MLLT3: variants seen among roughly 807,000 people sequenced by gnomAD.
MLLT3 encodes the protein protein AF-9.
A neutral mutation model predicts 53.2 loss-of-function variants in MLLT3; 4 were observed. That is an observed-to-expected ratio of 0.08 (90% CI 0.04 to 0.17). MLLT3 has a LOEUF of 0.17. MLLT3 is among the 10% of genes least tolerant of loss of function. The pLI is 1.00. For missense variants in MLLT3, 569 were observed against 684.0 expected (o/e 0.83, Z 1.87); for synonymous variants, 283 against 230.6 (o/e 1.23, Z -2.06).
chr9:20,421,379 T>C (rs1329139896), intron 4 of MLLT3, among the ~76,000 whole-genome samples: 2 of 151,654 alleles, frequency 1.3e-5, no homozygotes, highest in East Asian at 1.9e-4. Context: ...CCAGGGAAAA[T>C]TCATAGCCTT....
intron 2 of MLLT3, among the ~76,000 whole-genome samples, chr9:20,523,837 G>C (rs1022407147): frequency 6.6e-6 from 1 of 152,098 alleles, no homozygotes; most frequent in Admixed American, 6.5e-5. Flanking sequence ...CAGGCATTGT[G>C]GAGTGTGCCT....
At chr9:20,554,822 A>G (rs1197572137) in intron 2 of MLLT3, among the ~76,000 whole-genome samples, 1 of 152,196 alleles carries the variant, frequency 6.6e-6, no homozygotes, top group Non-Finnish European at 1.5e-5. Context: ...CTTGTACTTA[A>G]GTAATTTATT....
At chr9:20,465,021 A>G (rs1824199760) in intron 2 of MLLT3, among the ~76,000 whole-genome samples, 1 of 152,100 alleles carries the variant, frequency 6.6e-6, no homozygotes, top group Admixed American at 6.6e-5. Context: ...ATTCTTGGGA[A>G]TTTATATAAC....
chr9:20,499,025 A>G (rs1379995579), intron 2 of MLLT3, among the ~76,000 whole-genome samples: 1 of 152,178 alleles, frequency 6.6e-6, no homozygotes, highest in Non-Finnish European at 1.5e-5. Context: ...AAAGCTCTAG[A>G]AAAGAATCCT....
At chr9:20,566,038 TTATTTATATATA>T (rs1246277292) in intron 2 of MLLT3, among the ~76,000 whole-genome samples, 30 of 124,410 alleles carry the variant, frequency 2.4e-4, no homozygotes, top group African/African-American at 5.4e-4. Context: ...TTATATTTAT[TTATTTATATATA>T]TATTTATATA....
intron 2 of MLLT3, among the ~76,000 whole-genome samples, chr9:20,618,281 A>G (rs1488703212): frequency 6.6e-6 from 1 of 152,248 alleles, no homozygotes; most frequent in East Asian, 1.9e-4. Context: ...GGAAGTAGAC[A>G]TACAAATTCT....
At chr9:20,577,274 C>CA (rs895292583) in intron 2 of MLLT3, among the ~76,000 whole-genome samples, 9 of 152,028 alleles carry the variant, frequency 5.9e-5, no homozygotes, top group African/African-American at 1.2e-4. Flanking sequence ...TTCAGATGCA[C>CA]AAAAAAATCA....
In MLLT3 at chr9:20,413,811, T is replaced by C. The variant is rs761964671; in HGVS notation, c.1035A>G (p.Ser345=). 1.2e-6 allele frequency: 2 copies of C among 1,614,054 alleles called. No individual in the cohort carries two copies. The highest frequency in any genetic ancestry group is 4.5e-5 in the East Asian group (2 of 44,876). The change falls in exon 5 of 11, where the codon TCA becomes TCG. Residue 345 remains serine (S), a synonymous_variant. Coordinates refer to ENST00000380338, the MANE Select transcript of MLLT3 (RefSeq NM_004529.4). ...MGKVKIESET[S]EKKKSTLPPF... is the part of the protein sequence containing the mutation. ...GCGGTAACGTTGATTTCTTCTTCTC[T>C]GATGTCTCACTTTCAATTTTGACCT...
At chr9:20,501,542 G>T (rs1825227923) in intron 2 of MLLT3, among the ~76,000 whole-genome samples, 1 of 151,708 alleles carries the variant, frequency 6.6e-6, no homozygotes, top group South Asian at 2.1e-4. Context: ...ATGAGGTCAG[G>T]AGATCGAGAC....
chr9:20,558,094 G>C lies in MLLT3; in HGVS notation c.193+62560C>G, dbSNP rs564325127. On this transcript the variant is annotated intron_variant, in intron 2 of 10. Coordinates refer to ENST00000380338, the MANE Select transcript of MLLT3 (RefSeq NM_004529.4). The stretch of plus-strand genomic sequence containing the variant: ...TTGAAAACAGAAAAAGAGGCTGCAA[G>C]AAGGAAGCCAAGGACAGTACTAAAC... Among the ~76,000 whole-genome samples, 53 of 152,278 alleles carry C rather than the reference G, an allele frequency of 3.5e-4. 2 individuals carry two copies. The South Asian group carries it at 0.01, about 30-fold the overall frequency.
intron 2 of MLLT3, among the ~76,000 whole-genome samples, chr9:20,523,734 CTGA>C (rs779827626): frequency 1.3e-4 from 20 of 152,084 alleles, no homozygotes; most frequent in Non-Finnish European, 2.8e-4. Context: ...CTTTGGGAGG[CTGA>C]TGAGGGCAAT....
chr9:20,414,732 G>A (rs1822829463), intron 4 of MLLT3, among the ~76,000 whole-genome samples: 1 of 152,108 alleles, frequency 6.6e-6, no homozygotes, highest in Non-Finnish European at 1.5e-5. Context: ...GAAGATACAA[G>A]GATGAATAAC....
intron 4 of MLLT3, among the ~76,000 whole-genome samples, chr9:20,436,699 G>A (rs1823414595): frequency 6.6e-6 from 1 of 152,128 alleles, no homozygotes; most frequent in Non-Finnish European, 1.5e-5. Context: ...TTGCTTGACT[G>A]ATTTCAGTAT....
chr9:20,455,076 TTTC>T (rs1236452117), intron 3 of MLLT3, among the ~76,000 whole-genome samples: 1 of 152,194 alleles, frequency 6.6e-6, no homozygotes, highest in Non-Finnish European at 1.5e-5. Context: ...CAAAAACCAT[TTTC>T]TTAAGGGAAA....
chr9:20,584,044 G>C (rs1263172610), intron 2 of MLLT3, among the ~76,000 whole-genome samples: 1 of 152,100 alleles, frequency 6.6e-6, no homozygotes, highest in African/African-American at 2.4e-5. Flanking sequence ...GCTTTTAACA[G>C]CACCCAACTC....
intron 2 of MLLT3, among the ~76,000 whole-genome samples, chr9:20,529,341 T>A (rs1331458928): frequency 6.6e-6 from 1 of 152,186 alleles, no homozygotes; most frequent in Non-Finnish European, 1.5e-5. Context: ...CTCTTCTCGT[T>A]AGGGAGAAAA....
chr9:20,621,854 G>C lies in MLLT3; in HGVS notation c.12+391C>G. The C allele has an allele frequency of 7.3e-7, 1 of 1,371,812 alleles. No homozygotes were observed. Among genetic ancestry groups the C allele is most frequent in the South Asian group, 1.7e-5 (1 of 58,206 alleles). The allele number at this position is 1,371,812 out of a possible 1,614,324, so 85.0% of individuals were successfully genotyped here. A position where few individuals can be genotyped will look rare whatever the true frequency, so the allele number is the denominator to read the frequency against. On this transcript the variant is annotated intron_variant, in intron 1 of 10. Coordinates refer to ENST00000380338, the MANE Select transcript of MLLT3 (RefSeq NM_004529.4). The surrounding 1 kb of genome is among the most constrained non-coding windows in gnomAD (Gnocchi z 7.0). Reference sequence around the variant, plus strand: ...TCCCCGGACTGTGCCCGCAGCTCCCGGCGGCGGCGGCTGAAATATGGCTGA... The same window carrying C: ...TCCCCGGACTGTGCCCGCAGCTCCCCGCGGCGGCGGCTGAAATATGGCTGA...
At chr9:20,480,468 A>G (rs754371450) in intron 2 of MLLT3, among the ~76,000 whole-genome samples, 45 of 152,174 alleles carry the variant, frequency 3.0e-4, no homozygotes, top group Admixed American at 1.6e-3. Flanking sequence ...AGCAAAGACA[A>G]ATTTCCATAT....
chr9:20,347,156 T>C lies in MLLT3; in HGVS notation c.1576-582A>G, dbSNP rs180692684. Reference sequence around the variant, plus strand: ...TTAACAGATAGTGACCAGAGGGGGCTCAAGGGAGCCTTCTAGAGTACTGGA... The same window carrying C: ...TTAACAGATAGTGACCAGAGGGGGCCCAAGGGAGCCTTCTAGAGTACTGGA... On this transcript the variant is annotated intron_variant, in intron 10 of 10. Transcript: ENST00000380338. 2.1e-4 allele frequency among the ~76,000 whole-genome samples: 31 copies of C among 151,076 alleles called. No individual in the cohort carries two copies. The East Asian group carries it at 6.0e-3, about 29-fold the overall frequency.
Sources: allele counts gnomAD v4.1 joint callset (sites outside exome capture counted in the v4.1 genomes callset), GRCh38; gene constraint gnomAD v4.1.1; non-coding constraint Gnocchi (gnomAD v3.1); transcripts MANE v1.5; gene names NCBI Gene and HGNC (gene_info 2026-07-23, HGNC 2026-07-21).